Variants in BTG1 observed in about 807,000 individuals in gnomAD.
BTG1 encodes protein BTG1.
A neutral mutation model predicts 15.2 loss-of-function variants in BTG1; 2 were observed. The ratio of observed to expected loss-of-function variants is 0.13; its 90% CI spans 0.05 to 0.41. The LOEUF (loss-of-function observed/expected upper bound fraction) is 0.41, where lower values mean the gene tolerates loss of function less well. Among genes scored for constraint, BTG1 ranks in the 10% least tolerant of loss-of-function variants. The probability of loss-of-function intolerance (pLI) is 0.99; values close to 1 mark genes in which losing one functional copy is unlikely to be tolerated. For synonymous variants in BTG1, 109 were observed against 82.4 expected, an observed-to-expected ratio of 1.32 and a Z score of -1.75; for missense variants, 149 against 215.0, an observed-to-expected ratio of 0.69 and a Z score of 1.92.
At chr12:92,144,493 G>A (rs754380809) in intron 1 of BTG1, 46 bp from the exon 2 acceptor site, 1 of 1,595,696 alleles carries the variant, frequency 6.3e-7, no homozygotes, top group South Asian at 1.1e-5. Context: ...AGGATCGTTA[G>A]CTCCCACTGC....
Position 92,145,648 on chromosome 12 carries a change from G to A in BTG1, c.-113C>T, listed in dbSNP as rs138981548. ...GGGCGGAAGGCTGAGAGGAAGAGAG[G>A]GCGTGAGGGGCGGACGACTACTTTT... On this transcript the variant is annotated 5_prime_UTR_variant, in exon 1 of 2. Coordinates refer to ENST00000256015, the MANE Select transcript of BTG1 (RefSeq NM_001731.3). 5 of 656,838 alleles carry A rather than the reference G, an allele frequency of 7.6e-6. No individual in the cohort carries two copies. Among genetic ancestry groups the A allele is most frequent in the Non-Finnish European group, 1.1e-5 (5 of 455,242 alleles). The allele number at this position is 656,838 out of a possible 1,614,324, so 40.7% of individuals were successfully genotyped here.
chr12:92,144,071 G>A lies in BTG1; in HGVS notation c.*9C>T, dbSNP rs1870428066. 1 of 1,610,688 alleles carries A rather than the reference G, an allele frequency of 6.2e-7. No homozygotes were observed. Among genetic ancestry groups the A allele is most frequent in the African/African-American group, 1.3e-5 (1 of 74,904 alleles). On this transcript the variant is annotated 3_prime_UTR_variant, in exon 2 of 2. Coordinates refer to ENST00000256015, the MANE Select transcript of BTG1 (RefSeq NM_001731.3). ...ATCATCATCAGATGATCCATCCACA[G>A]ACTATATCTTAACCTGATACAGTCA...
In BTG1 at chr12:92,143,168, A is replaced by C. The variant is rs1870364468; in HGVS notation, c.*912T>G. ...AAACGATTTATTATAGAGAGAAGAA[A>C]AATTTCTCATCCAAAATATAGAAAT... On this transcript the variant is annotated 3_prime_UTR_variant, in exon 2 of 2. Transcript: ENST00000256015. The C allele has an allele frequency of 4.3e-6, 1 of 232,874 alleles. No individual in the cohort carries two copies. Among genetic ancestry groups the C allele is most frequent in the African/African-American group, 2.2e-5 (1 of 45,328 alleles). The allele number at this position is 232,874 out of a possible 1,614,324, so 14.4% of individuals were successfully genotyped here.
rs1371291551 is a variant in BTG1 at position 92,142,032 on chromosome 12, CAA to C, written c.*2046_*2047del. The C allele has an allele frequency of 1.3e-5, 3 of 231,640 alleles. No homozygotes were observed. The Admixed American group carries it at 1.7e-4, about 13-fold the overall frequency. The allele number at this position is 231,640 out of a possible 1,614,324, so 14.3% of individuals were successfully genotyped here. The stretch of plus-strand genomic sequence containing the variant: ...CCTACCTGGTGTTTTTATTGTAATT[CAA>C]GTTTGAAATACCGAGGAGCTTTTTC... On this transcript the variant is annotated 3_prime_UTR_variant, in exon 2 of 2. Transcript: ENST00000256015.
intron 1 of BTG1, 168 bp downstream of exon 1, chr12:92,145,220 C>T (rs894310461): frequency 1.1e-5 from 12 of 1,105,546 alleles, no homozygotes; most frequent in Admixed American, 8.6e-5. Flanking sequence ...CCTAAAGCCT[C>T]GCGGGGAACC....
rs549862250 is a variant in BTG1 at position 92,142,317 on chromosome 12, C to T, written c.*1763G>A. ...TAATTACTAATTTTATTTCAGACTG[C>T]GTATTTCCAGTGTCAACATGTTTAC... On this transcript the variant is annotated 3_prime_UTR_variant, in exon 2 of 2. Transcript: ENST00000256015. 1.3e-4 allele frequency: 30 copies of T among 230,216 alleles called. No homozygotes were observed. Among genetic ancestry groups the T allele is most frequent in the African/African-American group, 6.0e-4 (27 of 45,268 alleles). 14.3% of individuals were successfully genotyped at this position (230,216 alleles called of 1,614,324 possible).
In BTG1 at chr12:92,141,498, A is replaced by G. The variant is rs1870224229; in HGVS notation, c.*2582T>C. 1 of 231,468 alleles carries G rather than the reference A, an allele frequency of 4.3e-6. No individual in the cohort carries two copies. 14.3% of individuals were successfully genotyped at this position (231,468 alleles called of 1,614,324 possible). On this transcript the variant is annotated 3_prime_UTR_variant, in exon 2 of 2. Transcript: ENST00000256015. ...AAACTTAGAAAGTAACACTCCTCAA[A>G]CTTACTGCCAATCACAACTATGAAT... is the stretch of plus-strand genomic sequence containing the variant.
rs557048819 is a variant in BTG1 at position 92,141,857 on chromosome 12, G to T, written c.*2223C>A. 8.6e-5 allele frequency: 20 copies of T among 231,382 alleles called. No individual in the cohort carries two copies. The highest frequency in any genetic ancestry group is 4.2e-4 in the African/African-American group (19 of 45,090). The allele number at this position is 231,382 out of a possible 1,614,324, so 14.3% of individuals were successfully genotyped here. On this transcript the variant is annotated 3_prime_UTR_variant, in exon 2 of 2. Coordinates refer to ENST00000256015, the MANE Select transcript of BTG1 (RefSeq NM_001731.3). ...AAAGATTGAAAAAGTCTGATGTCAAGATCTTCAAAAACAACTTTCCATTTG... is the reference window on the plus strand; with the variant it reads ...AAAGATTGAAAAAGTCTGATGTCAATATCTTCAAAAACAACTTTCCATTTG...
At position 92,140,956 on chromosome 12, in the gene BTG1, A is replaced by G. The variant is rs1265309559; in HGVS notation, c.*3124T>C. 1.3e-5 allele frequency: 3 copies of G among 232,822 alleles called. No homozygotes were observed. The highest frequency in any genetic ancestry group is 2.5e-5 in the Non-Finnish European group (3 of 117,766). 14.4% of individuals were successfully genotyped at this position (232,822 alleles called of 1,614,324 possible). A position where few individuals can be genotyped will look rare whatever the true frequency, so the allele number is the denominator to read the frequency against. Reference sequence around the variant, plus strand: ...GAAGTATCTTTAAACTTCAATATGCAAAGTACAACTTCAGTTATCATACCT... The same window carrying G: ...GAAGTATCTTTAAACTTCAATATGCGAAGTACAACTTCAGTTATCATACCT... On this transcript the variant is annotated 3_prime_UTR_variant, in exon 2 of 2. Coordinates refer to ENST00000256015, the MANE Select transcript of BTG1 (RefSeq NM_001731.3).
Position 92,145,440 on chromosome 12 carries a change from C to G in BTG1, c.96G>C (p.Thr32=). ...ISKFLRTKGL[T]SERQLQTFSQ... ...TGAAGGTCTGCAGCTGTCGCTCGCT[C>G]GTGAGCCCCTTGGTGCGGAGAAACT... The change falls in exon 1 of 2, where the codon ACG becomes ACC. Residue 32 remains threonine (T), a synonymous_variant. Transcript: ENST00000256015. 1 of 1,592,650 alleles carries G rather than the reference C, an allele frequency of 6.3e-7. No homozygotes were observed.
Position 92,141,365 on chromosome 12 carries a change from C to A in BTG1, c.*2715G>T, listed in dbSNP as rs1870212636. 4.3e-6 allele frequency: 1 copy of A among 232,240 alleles called. No homozygotes were observed. The allele number at this position is 232,240 out of a possible 1,614,324, so 14.4% of individuals were successfully genotyped here. A position where few individuals can be genotyped will look rare whatever the true frequency, so the allele number is the denominator to read the frequency against. ...TAACAGCCGCATTATCCTGCATGAA[C>A]CAGGGTAACTCTTGCTATACAATCC... On this transcript the variant is annotated 3_prime_UTR_variant, in exon 2 of 2. Transcript: ENST00000256015.
rs746184994 is a variant in BTG1, at chr12:92,145,578, C to A, written c.-43G>T. ...GCGGCCCGGGGCGGCTGGGGCTCGG[C>A]GGCGCGGCCCCGACGGCGGAGCAGC... On this transcript the variant is annotated 5_prime_UTR_variant, in exon 1 of 2. Coordinates refer to ENST00000256015, the MANE Select transcript of BTG1 (RefSeq NM_001731.3). 1.6e-6 allele frequency: 2 copies of A among 1,263,774 alleles called. No homozygotes were observed. Among genetic ancestry groups the A allele is most frequent in the South Asian group, 3.1e-5 (1 of 31,842 alleles). 78.3% of individuals were successfully genotyped at this position (1,263,774 alleles called of 1,614,324 possible). A position where few individuals can be genotyped will look rare whatever the true frequency, so the allele number is the denominator to read the frequency against.
chr12:92,142,024 T>C lies in BTG1; in HGVS notation c.*2056A>G, dbSNP rs1870265355. 1 of 232,110 alleles carries C rather than the reference T, an allele frequency of 4.3e-6. No homozygotes were observed. Among genetic ancestry groups the C allele is most frequent in the East Asian group, 6.1e-5 (1 of 16,414 alleles). The allele number at this position is 232,110 out of a possible 1,614,324, so 14.4% of individuals were successfully genotyped here. ...AAAACAACCCTACCTGGTGTTTTTA[T>C]TGTAATTCAAGTTTGAAATACCGAG... On this transcript the variant is annotated 3_prime_UTR_variant, in exon 2 of 2. Coordinates refer to ENST00000256015, the MANE Select transcript of BTG1 (RefSeq NM_001731.3).
Position 92,144,008 on chromosome 12 carries a change from C to G in BTG1, c.*72G>C. The G allele has an allele frequency of 7.6e-6, 12 of 1,574,076 alleles. No homozygotes were observed. Among genetic ancestry groups the G allele is most frequent in the Non-Finnish European group, 1.0e-5 (12 of 1,158,806 alleles). On this transcript the variant is annotated 3_prime_UTR_variant, in exon 2 of 2. Transcript: ENST00000256015. Reference sequence around the variant, plus strand: ...TGGTTTAAATTCCATAATCCATCCCCAAGAGGAGCCCACCCAAAGCAAAAA... The same window carrying G: ...TGGTTTAAATTCCATAATCCATCCCGAAGAGGAGCCCACCCAAAGCAAAAA...
Position 92,141,294 on chromosome 12 carries a change from G to A in BTG1, c.*2786C>T. ...TCCAGTCTATTATTATAGAAATATT[G>A]CACATAAGGATAAAGACATGAGATT... On this transcript the variant is annotated 3_prime_UTR_variant, in exon 2 of 2. Coordinates refer to ENST00000256015, the MANE Select transcript of BTG1 (RefSeq NM_001731.3). 4.3e-6 allele frequency: 1 copy of A among 232,500 alleles called. No individual in the cohort carries two copies. The highest frequency in any genetic ancestry group is 2.2e-5 in the African/African-American group (1 of 45,382). The allele number at this position is 232,500 out of a possible 1,614,324, so 14.4% of individuals were successfully genotyped here. A position where few individuals can be genotyped will look rare whatever the true frequency, so the allele number is the denominator to read the frequency against.
Position 92,141,399 on chromosome 12 carries a change from C to T in BTG1, c.*2681G>A, listed in dbSNP as rs1225517444. 1.3e-5 allele frequency: 3 copies of T among 231,834 alleles called. No homozygotes were observed. The South Asian group carries it at 5.4e-4, about 42-fold the overall frequency. The allele number at this position is 231,834 out of a possible 1,614,324, so 14.4% of individuals were successfully genotyped here. A position where few individuals can be genotyped will look rare whatever the true frequency, so the allele number is the denominator to read the frequency against. ...CTCTTGCTATACAATCCACTTGAAG[C>T]CTTGTTTCAACATTACAGAGGGAGG... On this transcript the variant is annotated 3_prime_UTR_variant, in exon 2 of 2. Coordinates refer to ENST00000256015, the MANE Select transcript of BTG1 (RefSeq NM_001731.3).
rs538268894 is a variant in BTG1, at chr12:92,145,160, C to T, written c.148+228G>A. On this transcript the variant is annotated intron_variant, in intron 1 of 1. Transcript: ENST00000256015. ...GTTTCTTTGTTGTGCGTGTTGTCTT[C>T]TCCTCTCCGTTTTGCCAGCTGGGGG... 7 of 527,594 alleles carry T rather than the reference C, an allele frequency of 1.3e-5. No homozygotes were observed. In the East Asian group the frequency reaches 2.8e-4, roughly 21 times the overall value. 32.7% of individuals were successfully genotyped at this position (527,594 alleles called of 1,614,324 possible).
In BTG1 at chr12:92,142,334, CAT is replaced by C. The variant is rs1458076540; in HGVS notation, c.*1744_*1745del. ...TCAGACTGCGTATTTCCAGTGTCAA[CAT>C]GTTTACATATATACCAAAAAAAGGC... On this transcript the variant is annotated 3_prime_UTR_variant, in exon 2 of 2. Coordinates refer to ENST00000256015, the MANE Select transcript of BTG1 (RefSeq NM_001731.3). 5 of 230,612 alleles carry C rather than the reference CAT, an allele frequency of 2.2e-5. No homozygotes were observed. Among genetic ancestry groups the C allele is most frequent in the Non-Finnish European group, 4.3e-5 (5 of 116,530 alleles). 14.3% of individuals were successfully genotyped at this position (230,612 alleles called of 1,614,324 possible). A position where few individuals can be genotyped will look rare whatever the true frequency, so the allele number is the denominator to read the frequency against.
At chr12:92,145,269 C>A (rs544647110) in intron 1 of BTG1, 119 bp downstream of exon 1, 2 of 1,309,222 alleles carry the variant, frequency 1.5e-6, no homozygotes, top group Non-Finnish European at 9.8e-7. Context: ...ACCGGTCCCG[C>A]GGCGGGGCCC....
Sources: gnomAD v4.1 joint callset for allele counts on GRCh38, gnomAD v4.1.1 for gene constraint, MANE v1.5 for transcripts, NCBI Gene and HGNC (gene_info 2026-07-23, HGNC 2026-07-21) for gene names.